The following LAPTM4B variants were observed in gnomAD, a reference collection of about 807,000 sequenced individuals.
LAPTM4B encodes lysosomal-associated transmembrane protein 4B.
A neutral mutation model predicts 28.5 loss-of-function variants in LAPTM4B; 26 were observed. The ratio of observed to expected loss-of-function variants is 0.91; its 90% CI spans 0.67 to 1.27. The LOEUF is 1.27. Ranked by LOEUF, LAPTM4B falls within the 50% of genes most tolerant of loss-of-function variation. LAPTM4B has a pLI of 0.00. For synonymous variants in LAPTM4B, 109 were observed against 106.4 expected, an observed-to-expected ratio of 1.02 and a Z score of -0.15; for missense variants, 288 against 285.8, an observed-to-expected ratio of 1.01 and a Z score of -0.06.
At chr8:97,777,270 C>T (rs1816237351) in intron 1 of LAPTM4B, among the ~76,000 whole-genome samples, 2 of 150,700 alleles carry the variant, frequency 1.3e-5, no homozygotes, top group South Asian at 2.1e-4. Context: ...CCTCAGCTTC[C>T]CGAGTAGCTG....
intron 6 of LAPTM4B, among the ~76,000 whole-genome samples, chr8:97,844,714 C>CTCTTTGACTTGAAA (rs1336901544): frequency 6.6e-6 from 1 of 152,102 alleles, no homozygotes; most frequent in Admixed American, 6.6e-5. Flanking sequence ...TGTTGAAAGT[C>CTCTTTGACTTGAAA]GCCTCTTTGA....
Position 97,799,033 on chromosome 8 carries a change from T to G in LAPTM4B, c.100-6320T>G, listed in dbSNP as rs113396322. Among the ~76,000 whole-genome samples the G allele has an allele frequency of 3.0e-3, 452 of 152,346 alleles. 6 individuals carry two copies. Among genetic ancestry groups the G allele is most frequent in the African/African-American group, 0.01 (431 of 41,582 alleles). Reference sequence around the variant, plus strand: ...GGTCTTCTTTGCTTCTTTTTCTGTGTTCTTTGCTTGTAGTCAGTTACTGTA... The same window carrying G: ...GGTCTTCTTTGCTTCTTTTTCTGTGGTCTTTGCTTGTAGTCAGTTACTGTA... On this transcript the variant is annotated intron_variant, in intron 1 of 6. Coordinates refer to ENST00000521545, the MANE Select transcript of LAPTM4B (RefSeq NM_018407.6).
At chr8:97,829,549 T>TC (rs1487619173) in intron 6 of LAPTM4B, among the ~76,000 whole-genome samples, 4 of 152,014 alleles carry the variant, frequency 2.6e-5, no homozygotes, top group Non-Finnish European at 5.9e-5. Flanking sequence ...GCAATGGGGA[T>TC]AGTTGTCTGT....
At chr8:97,819,117 A>G in intron 4 of LAPTM4B, 23 bp from the exon 5 acceptor site, 1 of 1,385,310 alleles carries the variant, frequency 7.2e-7, no homozygotes, top group Non-Finnish European at 1.0e-6. Context: ...GAGATTTGCT[A>G]ATGAGGCCCT....
At chr8:97,830,490 C>A (rs1817167002) in intron 6 of LAPTM4B, among the ~76,000 whole-genome samples, 1 of 152,078 alleles carries the variant, frequency 6.6e-6, no homozygotes, top group African/African-American at 2.4e-5. Flanking sequence ...GATTAGGGAC[C>A]TAGGTAGACA....
chr8:97,799,962 G>A (rs1342594395), intron 1 of LAPTM4B, among the ~76,000 whole-genome samples: 1 of 152,028 alleles, frequency 6.6e-6, no homozygotes, highest in Non-Finnish European at 1.5e-5. Context: ...TTCATCTTTT[G>A]AGTTCCTGTT....
chr8:97,849,548 A>T (rs1817484950), intron 6 of LAPTM4B, among the ~76,000 whole-genome samples: 1 of 152,206 alleles, frequency 6.6e-6, no homozygotes, highest in African/African-American at 2.4e-5. Context: ...TTAATACCTG[A>T]CATATAAAGT....
At chr8:97,845,373 C>T (rs1586347471) in intron 6 of LAPTM4B, among the ~76,000 whole-genome samples, 1 of 150,368 alleles carries the variant, frequency 6.7e-6, no homozygotes, top group African/African-American at 2.5e-5. Context: ...TTTACCTAGT[C>T]CCAGGCTTTT....
chr8:97,827,955 C>T (rs1449241606), intron 6 of LAPTM4B, among the ~76,000 whole-genome samples: 1 of 152,054 alleles, frequency 6.6e-6, no homozygotes. Flanking sequence ...TAGAATGTTG[C>T]AAGGTTGGCT....
chr8:97,809,009 T>A (rs538968774), intron 2 of LAPTM4B, among the ~76,000 whole-genome samples: 2 of 152,064 alleles, frequency 1.3e-5, no homozygotes, highest in East Asian at 3.9e-4. Flanking sequence ...CATTCAGTCC[T>A]TTCAAATATA....
intron 1 of LAPTM4B, among the ~76,000 whole-genome samples, chr8:97,803,174 G>C (rs1816713557): frequency 6.7e-6 from 1 of 149,406 alleles, no homozygotes; most frequent in Non-Finnish European, 1.5e-5. Flanking sequence ...ACTCCAGCCT[G>C]GGTGACAGAG....
At chr8:97,845,901 C>CCCCTT (rs1195143421) in intron 6 of LAPTM4B, among the ~76,000 whole-genome samples, 4 of 102,914 alleles carry the variant, frequency 3.9e-5, no homozygotes, top group South Asian at 4.4e-4. Context: ...CCCCTCCCCT[C>CCCCTT]CCCTTCCCTT....
intron 1 of LAPTM4B, among the ~76,000 whole-genome samples, chr8:97,792,564 A>AT (rs139511450): frequency 6.6e-4 from 99 of 150,256 alleles, no homozygotes; most frequent in African/African-American, 1.8e-3. Flanking sequence ...CTAACAGTCA[A>AT]TTTTTTTTTT....
At chr8:97,791,967 G>C (rs967751451) in intron 1 of LAPTM4B, among the ~76,000 whole-genome samples, 1 of 152,144 alleles carries the variant, frequency 6.6e-6, no homozygotes, top group Non-Finnish European at 1.5e-5. Context: ...GGATGGTACT[G>C]TTGACTGAAC....
intron 2 of LAPTM4B, among the ~76,000 whole-genome samples, chr8:97,814,985 C>A (rs1425911690): frequency 6.6e-6 from 1 of 152,190 alleles, no homozygotes. Flanking sequence ...AGCCACCGCA[C>A]CTGGCCGGAG....
At chr8:97,812,214 T>G (rs374000895) in intron 2 of LAPTM4B, among the ~76,000 whole-genome samples, 718 of 40,710 alleles carry the variant, frequency 0.018, 14 homozygotes, top group African/African-American at 0.023. Context: ...TTGTTTTTTT[T>G]TTGTTGTTTT....
At chr8:97,825,900 A>G (rs1346125856) in intron 6 of LAPTM4B, among the ~76,000 whole-genome samples, 2 of 152,206 alleles carry the variant, frequency 1.3e-5, no homozygotes. Flanking sequence ...ACTGTGTGGC[A>G]TGGGACAGGA....
At chr8:97,829,736 A>G (rs1586340615) in intron 6 of LAPTM4B, among the ~76,000 whole-genome samples, 1 of 151,416 alleles carries the variant, frequency 6.6e-6, no homozygotes, top group African/African-American at 2.4e-5. Flanking sequence ...CTGTAGCCCA[A>G]GCTGGAATGC....
At chr8:97,850,474 G>GTGTGTGTGTGTGTGTGTGTGTGTA (rs150321926) in intron 6 of LAPTM4B, among the ~76,000 whole-genome samples, 3,674 of 146,306 alleles carry the variant, frequency 0.025, 75 homozygotes, top group African/African-American at 0.034. Context: ...GGGTGTGTGT[G>GTGTGTGTGTGTGTGTGTGTGTGTA]TGTGTGTGTG....
Sources: gnomAD v4.1 joint callset for allele counts (sites outside exome capture counted in the v4.1 genomes callset) on GRCh38, gnomAD v4.1.1 for gene constraint, MANE v1.5 for transcripts, NCBI Gene and HGNC (gene_info 2026-07-23, HGNC 2026-07-21) for gene names.